The following ALMS1 variants were observed in gnomAD, a reference collection of about 807,000 sequenced individuals.
ALMS1 encodes the protein ALMS1 centrosome and basal body associated protein.
In ALMS1, 271 loss-of-function variants were observed where a neutral mutation model predicts 352.2. The observed-to-expected ratio is 0.77, with a 90% CI of 0.70 to 0.85. The LOEUF is 0.85. Among genes scored for constraint, ALMS1 ranks in the 40% least tolerant of loss-of-function variants. The pLI, the probability that ALMS1 is intolerant of heterozygous loss-of-function variation, is 0.00. For synonymous variants in ALMS1, 1,865 were observed against 1,761.2 expected (o/e 1.06, Z -1.48); for missense variants, 5,445 against 4,870.7 (o/e 1.12, Z -3.51).
intron 9 of ALMS1, among the ~76,000 whole-genome samples, chr2:73,455,968 G>T (rs1341346515): frequency 6.6e-6 from 1 of 151,930 alleles, no homozygotes; most frequent in Non-Finnish European, 1.5e-5. Flanking sequence ...AATAGCTTAT[G>T]TATAAATGGC....
intron 21 of ALMS1, chr2:73,603,937 C>T (rs1242231773): frequency 6.6e-6 from 1 of 152,640 alleles, no homozygotes; most frequent in Non-Finnish European, 1.5e-5. Context: ...CTAGCAATCC[C>T]ATTTCTAGGA....
At chr2:73,595,408 T>C (rs983444803) in intron 16 of ALMS1, among the ~76,000 whole-genome samples, 6 of 152,232 alleles carry the variant, frequency 3.9e-5, no homozygotes, top group Non-Finnish European at 2.9e-5. Flanking sequence ...AGATGTGGTC[T>C]TTTGCATCTG....
intron 15 of ALMS1, among the ~76,000 whole-genome samples, chr2:73,560,870 T>G (rs1339556995): frequency 6.6e-6 from 1 of 152,180 alleles, no homozygotes; most frequent in Non-Finnish European, 1.5e-5. Flanking sequence ...TTTAGGAGGA[T>G]GAGAGAGACC....
chr2:73,543,175 C>G (rs1372510178), intron 12 of ALMS1, among the ~76,000 whole-genome samples: 2 of 152,084 alleles, frequency 1.3e-5, no homozygotes, highest in East Asian at 3.9e-4. Context: ...GAGATATAGA[C>G]CAACGGAACA....
At chr2:73,460,454 C>T (rs78391226) in intron 9 of ALMS1, among the ~76,000 whole-genome samples, 4 of 151,866 alleles carry the variant, frequency 2.6e-5, no homozygotes, top group South Asian at 2.1e-4. Flanking sequence ...TTAAAAAATT[C>T]GGGTGGAGCC....
Position 73,422,981 on chromosome 2 carries a change from T to G in ALMS1, c.764+7T>G, listed in dbSNP as rs761004809. ...TAAGTTTTGCACCTCTGAGGTAGGA[T>G]GATTTATTTGCATGTAACCTTTCTC... On this transcript the variant is annotated splice_region_variant and intron_variant, in intron 4 of 22. Transcript: ENST00000613296. 6.3e-7 allele frequency: 1 copy of G among 1,588,534 alleles called. No individual in the cohort carries two copies.
Position 73,472,537 on chromosome 2 carries a change from C to CA in ALMS1, c.7675-17092dup, listed in dbSNP as rs1451160827. Among the ~76,000 whole-genome samples, 55 of 151,990 alleles carry CA rather than the reference C, an allele frequency of 3.6e-4. 1 individual carries two copies. The highest frequency in any genetic ancestry group is 1.3e-3 in the African/African-American group (54 of 41,450). On this transcript the variant is annotated intron_variant, in intron 9 of 22. Transcript: ENST00000613296. ...GGAGTAGGGAACTCTAGGGCTCTTG[C>CA]AAAAACACCTAATAAGCTTCCAGAA... is the stretch of plus-strand genomic sequence containing the variant.
intron 14 of ALMS1, among the ~76,000 whole-genome samples, chr2:73,557,876 CTT>C (rs1454678873): frequency 6.6e-6 from 1 of 152,182 alleles, no homozygotes; most frequent in Non-Finnish European, 1.5e-5. Context: ...ACAGAAAACT[CTT>C]TCTCTTTTTT....
At chr2:73,568,988 T>C (rs945369500) in intron 15 of ALMS1, among the ~76,000 whole-genome samples, 1 of 143,622 alleles carries the variant, frequency 7.0e-6, no homozygotes, top group Non-Finnish European at 1.5e-5. Flanking sequence ...TGCTGCTGCT[T>C]CTGCTTCTTT....
chr2:73,554,561 A>C lies in ALMS1; in HGVS notation c.10079-2659A>C, dbSNP rs576034910. Reference sequence around the variant, plus strand: ...TCTACTAAAAATACAAAAAAAAAAAAAATTAGCCGGGCGTGGTGGCGGGCG... The same window carrying C: ...TCTACTAAAAATACAAAAAAAAAAACAATTAGCCGGGCGTGGTGGCGGGCG... On this transcript the variant is annotated intron_variant, in intron 13 of 22. Coordinates refer to ENST00000613296, the MANE Select transcript of ALMS1 (RefSeq NM_001378454.1). Among the ~76,000 whole-genome samples, 6 of 152,046 alleles carry C rather than the reference A, an allele frequency of 3.9e-5. No homozygotes were observed. The South Asian group carries it at 6.2e-4, about 16-fold the overall frequency.
chr2:73,582,449 C>T (rs1481920484), intron 16 of ALMS1, among the ~76,000 whole-genome samples: 3 of 152,182 alleles, frequency 2.0e-5, no homozygotes, highest in Non-Finnish European at 4.4e-5. Context: ...TAAATGTATT[C>T]ACACTATGTT....
chr2:73,426,925 G>A (rs1016241880), intron 6 of ALMS1, among the ~76,000 whole-genome samples: 1 of 152,166 alleles, frequency 6.6e-6, no homozygotes, highest in Non-Finnish European at 1.5e-5. Context: ...GTACCAGCTT[G>A]TAACTTGTAC....
rs761196366 is a variant in ALMS1 at position 73,450,017 on chromosome 2, A to G, written c.3490A>G (p.Ile1164Val). 16 of 1,613,200 alleles carry G rather than the reference A, an allele frequency of 9.9e-6. No homozygotes were observed. In the East Asian group the frequency reaches 2.7e-4, roughly 27 times the overall value. ...CCAGCAGGCCTTGCCAGGTACTCAT[A>G]TACCTGAAGAGGCTCAGAAAGTTTC... ...FHQQALPGTH[I>V]PEEAQKVSAV... The change falls in exon 8 of 23, where the codon ATA becomes GTA. Residue 1164 changes from isoleucine to valine, a missense_variant. Transcript: ENST00000613296.
chr2:73,420,466 G>A (rs1448204151), intron 3 of ALMS1, among the ~76,000 whole-genome samples: 1 of 152,086 alleles, frequency 6.6e-6, no homozygotes, highest in Admixed American at 6.6e-5. Context: ...TTTACCATCT[G>A]ACCCTTTATT....
intron 15 of ALMS1, among the ~76,000 whole-genome samples, chr2:73,571,798 G>GT (rs1447598308): frequency 6.6e-6 from 1 of 151,904 alleles, no homozygotes; most frequent in Non-Finnish European, 1.5e-5. Context: ...TGTAAAAAGG[G>GT]TTTTTTAAAA....
rs1364383952 is a variant in ALMS1 at position 73,450,582 on chromosome 2, A to C, written c.4055A>C (p.His1352Pro). The change falls in exon 8 of 23, where the codon CAT becomes CCT. Residue 1352 changes from histidine to proline, a missense_variant. By Grantham distance (77) the His-to-Pro change is moderately conservative. Transcript: ENST00000613296. ...VFYQQVLPHS[H>P]PTEEALKISV... is the part of the protein sequence containing the mutation. Reference sequence around the variant, plus strand: ...TACCAACAGGTCTTGCCACATAGTCATCCAACTGAAGAGGCTCTGAAAATT... The same window carrying C: ...TACCAACAGGTCTTGCCACATAGTCCTCCAACTGAAGAGGCTCTGAAAATT... 1.2e-6 allele frequency: 2 copies of C among 1,612,598 alleles called. No individual in the cohort carries two copies. The highest frequency in any genetic ancestry group is 2.2e-5 in the South Asian group (2 of 91,004).
At position 73,449,745 on chromosome 2, in the gene ALMS1, G is replaced by T; in HGVS notation, c.3218G>T (p.Ser1073Ile). ...VLSDSHLPEE[S>I]LKVSAFPGPA... is the part of the protein sequence containing the mutation. Reference sequence around the variant, plus strand: ...TCAGACAGTCATCTACCTGAAGAGAGTCTGAAAGTTTCAGCCTTCCCTGGA... The same window carrying T: ...TCAGACAGTCATCTACCTGAAGAGATTCTGAAAGTTTCAGCCTTCCCTGGA... The change falls in exon 8 of 23, where the codon AGT becomes ATT. Residue 1073 changes from serine (S) to isoleucine (I), a missense_variant. Transcript: ENST00000613296. 4 of 1,613,966 alleles carry T rather than the reference G, an allele frequency of 2.5e-6. No individual in the cohort carries two copies. Among genetic ancestry groups the T allele is most frequent in the Non-Finnish European group, 3.4e-6 (4 of 1,179,940 alleles).
chr2:73,582,613 T>C (rs535479169), intron 16 of ALMS1, among the ~76,000 whole-genome samples: 5 of 152,262 alleles, frequency 3.3e-5, no homozygotes, highest in Non-Finnish European at 7.3e-5. Flanking sequence ...ATGAGTGTAA[T>C]CATGCAGATT....
intron 9 of ALMS1, among the ~76,000 whole-genome samples, chr2:73,467,526 C>G (rs530707907): frequency 6.6e-6 from 1 of 152,100 alleles, no homozygotes; most frequent in Non-Finnish European, 1.5e-5. Flanking sequence ...TGGTACACAA[C>G]TCTTAAAATA....
Sources: gnomAD v4.1 joint callset for allele counts (sites outside exome capture counted in the v4.1 genomes callset) on GRCh38, gnomAD v4.1.1 for gene constraint, MANE v1.5 for transcripts, NCBI Gene and HGNC (gene_info 2026-07-23, HGNC 2026-07-21) for gene names.